CENPP: variants seen among roughly 807,000 people sequenced by gnomAD.
The protein encoded by CENPP is centromere protein P.
A neutral mutation model predicts 35.6 loss-of-function variants in CENPP; 24 were observed. That is an observed-to-expected ratio of 0.67 (90% CI 0.49 to 0.95). The LOEUF (loss-of-function observed/expected upper bound fraction) is 0.95, where lower values mean the gene tolerates loss of function less well. Among genes scored for constraint, CENPP ranks in the 40% least tolerant of loss-of-function variants. CENPP has a pLI of 0.00. For synonymous variants in CENPP, 120 were observed against 125.5 expected (o/e 0.96, Z 0.29); for missense variants, 332 against 345.3 (o/e 0.96, Z 0.31).
At chr9:92,415,724 C>A (rs1843572087) in intron 5 of CENPP, among the ~76,000 whole-genome samples, 1 of 148,766 alleles carries the variant, frequency 6.7e-6, no homozygotes, top group Non-Finnish European at 1.5e-5. Context: ...GTAGAACAAT[C>A]TCAAAAAAAA....
rs1219907134 is a variant in CENPP at position 92,606,026 on chromosome 9, C to T, written c.565-5288C>T. On this transcript the variant is annotated intron_variant, in intron 5 of 7. Transcript: ENST00000375587. ...CCTGTAATCCCAGCACTATGAAGGC[C>T]GAGGCAGGCAGATCCCTTGAGCCCA... Among the ~76,000 whole-genome samples, 9 of 152,082 alleles carry T rather than the reference C, an allele frequency of 5.9e-5. No individual in the cohort carries two copies. The East Asian group carries it at 7.7e-4, about 13-fold the overall frequency.
At chr9:92,530,330 ATTT>A (rs940496294) in intron 5 of CENPP, among the ~76,000 whole-genome samples, 22 of 152,278 alleles carry the variant, frequency 1.4e-4, no homozygotes, top group Admixed American at 1.4e-3. Flanking sequence ...ATGGTGTGAG[ATTT>A]TGATAGTAGG....
chr9:92,467,238 G>A (rs1215484070), intron 5 of CENPP, among the ~76,000 whole-genome samples: 1 of 152,220 alleles, frequency 6.6e-6, no homozygotes, highest in African/African-American at 2.4e-5. Flanking sequence ...GTACCAGTGT[G>A]AGTGTGCTCT....
At chr9:92,519,473 C>T (rs1847929545) in intron 5 of CENPP, among the ~76,000 whole-genome samples, 1 of 152,118 alleles carries the variant, frequency 6.6e-6, no homozygotes, top group African/African-American at 2.4e-5. Flanking sequence ...TAAGCATAGA[C>T]GTATAGGCCA....
chr9:92,355,261 G>A (rs954289332), intron 4 of CENPP, among the ~76,000 whole-genome samples: 1 of 152,068 alleles, frequency 6.6e-6, no homozygotes, highest in Non-Finnish European at 1.5e-5. Flanking sequence ...CATTCCCAGA[G>A]TGGCTGTTTA....
intron 5 of CENPP, chr9:92,417,527 A>C (rs1167726088): frequency 6.2e-7 from 1 of 1,605,166 alleles, no homozygotes; most frequent in East Asian, 2.2e-5. Flanking sequence ...AAAAAAGAAG[A>C]AAATAACATA....
chr9:92,380,829 C>T (rs950681903), intron 5 of CENPP, among the ~76,000 whole-genome samples: 4 of 152,102 alleles, frequency 2.6e-5, no homozygotes, highest in African/African-American at 9.7e-5. Flanking sequence ...TTGCTGTTTC[C>T]TTATGCATTT....
intron 5 of CENPP, among the ~76,000 whole-genome samples, chr9:92,468,005 A>G (rs1365854575): frequency 6.6e-6 from 1 of 152,234 alleles, no homozygotes; most frequent in Non-Finnish European, 1.5e-5. Flanking sequence ...TCTTGATTCC[A>G]AGAGGTAAAT....
At position 92,345,176 on chromosome 9, in the gene CENPP, C is replaced by G. The variant is rs1331503139; in HGVS notation, c.379-523C>G. On this transcript the variant is annotated intron_variant, in intron 3 of 7. Coordinates refer to ENST00000375587, the MANE Select transcript of CENPP (RefSeq NM_001012267.3). ...ACTGAGGCGGGAGAATGGCGTGAACCCGGGAGGCGGAGTTTGCAGTGAGCC... is the reference window on the plus strand; with the variant it reads ...ACTGAGGCGGGAGAATGGCGTGAACGCGGGAGGCGGAGTTTGCAGTGAGCC... Among the ~76,000 whole-genome samples, 197 of 152,164 alleles carry G rather than the reference C, an allele frequency of 1.3e-3. 2 individuals carry two copies. The highest frequency in any genetic ancestry group is 2.1e-4 in the Non-Finnish European group (14 of 68,010).
chr9:92,539,407 G>A (rs1453896235), intron 5 of CENPP, among the ~76,000 whole-genome samples: 1 of 142,656 alleles, frequency 7.0e-6, no homozygotes, highest in African/African-American at 2.7e-5. Context: ...AGTTGATTAG[G>A]GTATTTAGCT....
At chr9:92,609,379 A>C (rs1851172849) in intron 5 of CENPP, among the ~76,000 whole-genome samples, 1 of 152,202 alleles carries the variant, frequency 6.6e-6, no homozygotes, top group African/African-American at 2.4e-5. Context: ...CAATCCGGCA[A>C]GTCTCTGGAG....
intron 5 of CENPP, among the ~76,000 whole-genome samples, chr9:92,596,909 A>T (rs1454789538): frequency 1.3e-5 from 2 of 152,056 alleles, no homozygotes; most frequent in African/African-American, 4.8e-5. Context: ...GGCTATATTC[A>T]TGTCTAGCAC....
chr9:92,380,405 A>T (rs1016458557), intron 5 of CENPP, among the ~76,000 whole-genome samples: 1 of 152,188 alleles, frequency 6.6e-6, no homozygotes, highest in Non-Finnish European at 1.5e-5. Flanking sequence ...GGTTCTACTC[A>T]TTTGGATAGC....
chr9:92,434,969 T>G (rs1844211677), intron 5 of CENPP, among the ~76,000 whole-genome samples: 1 of 152,242 alleles, frequency 6.6e-6, no homozygotes, highest in African/African-American at 2.4e-5. Flanking sequence ...GGAGAATTGC[T>G]TGAACCTGGG....
At position 92,527,618 on chromosome 9, in the gene CENPP, T is replaced by A. The variant is rs117089656; in HGVS notation, c.565-83696T>A. ...GACAAGCTGTGGGAAATTCCAAGGG[T>A]ATCTAAACTGAAAACCATGAGCATG... On this transcript the variant is annotated intron_variant, in intron 5 of 7. Transcript: ENST00000375587. Among the ~76,000 whole-genome samples the A allele has an allele frequency of 4.9e-3, 749 of 152,222 alleles. 42 individuals carry two copies. In the East Asian group the frequency reaches 0.12, roughly 23 times the overall value.
At chr9:92,430,504 C>T (rs1267066155) in intron 5 of CENPP, among the ~76,000 whole-genome samples, 3 of 151,506 alleles carry the variant, frequency 2.0e-5, no homozygotes, top group African/African-American at 7.3e-5. Context: ...TTACAGGCAC[C>T]CACAACTACA....
chr9:92,354,368 C>A lies in CENPP; in HGVS notation c.467+8581C>A, dbSNP rs537944470. Among the ~76,000 whole-genome samples, 14 of 152,292 alleles carry A rather than the reference C, an allele frequency of 9.2e-5. 1 individual carries two copies. The highest frequency in any genetic ancestry group is 7.8e-4 in the Admixed American group (12 of 15,290). On this transcript the variant is annotated intron_variant, in intron 4 of 7. Coordinates refer to ENST00000375587, the MANE Select transcript of CENPP (RefSeq NM_001012267.3). ...CTGCTGGCAAATTGGCCTTGTCAGA[C>A]GTGGTGAGTGGAAGTCCTTGTTGCT... is the stretch of plus-strand genomic sequence containing the variant.
At chr9:92,345,599 C>T (rs546785838) in intron 3 of CENPP, 100 bp from the exon 4 acceptor site, 3 of 652,386 alleles carry the variant, frequency 4.6e-6, no homozygotes, top group Non-Finnish European at 8.0e-6. Context: ...ATTACTCTTT[C>T]CTTTTATTTG....
chr9:92,611,570 A>C (rs1851251683), intron 6 of CENPP, among the ~76,000 whole-genome samples, 177 bp downstream of exon 6: 1 of 152,094 alleles, frequency 6.6e-6, no homozygotes, highest in African/African-American at 2.4e-5. Context: ...GGGGAGCTGG[A>C]GCTCTGGAGG....
Sources: gnomAD v4.1 joint callset for allele counts (sites outside exome capture counted in the v4.1 genomes callset) on GRCh38, gnomAD v4.1.1 for gene constraint, MANE v1.5 for transcripts, NCBI Gene and HGNC (gene_info 2026-07-23, HGNC 2026-07-21) for gene names.